Variants in PCDHA13 observed in about 807,000 individuals in gnomAD.
PCDHA13 encodes the protein protocadherin alpha-13.
In PCDHA13, 54 loss-of-function variants were observed where a neutral mutation model predicts 64.8. The ratio of observed to expected loss-of-function variants is 0.83; its 90% CI spans 0.67 to 1.04. PCDHA13 has a LOEUF of 1.04. Ranked by LOEUF, PCDHA13 falls within the 50% of genes least tolerant of loss-of-function variation. PCDHA13 has a pLI of 0.00. For missense variants in PCDHA13, 1,248 were observed against 1,254.3 expected (o/e 0.99, Z 0.08); for synonymous variants, 587 against 564.4 (o/e 1.04, Z -0.57).
chr5:141,007,915 A>G (rs561873534), intron 3 of PCDHA13, among the ~76,000 whole-genome samples: 5 of 152,308 alleles, frequency 3.3e-5, no homozygotes, highest in South Asian at 2.1e-4. Flanking sequence ...TGAAGATGCT[A>G]TATAAGCTGG....
At chr5:140,912,209 G>T (rs1027468350) in intron 1 of PCDHA13, among the ~76,000 whole-genome samples, 8 of 152,158 alleles carry the variant, frequency 5.3e-5, no homozygotes, top group Non-Finnish European at 7.3e-5. Context: ...ATTGAGGGTA[G>T]ATCTGCCTTT....
At position 140,882,852 on chromosome 5, in the gene PCDHA13, T is replaced by C; in HGVS notation, c.584T>C (p.Val195Ala). 1.2e-6 allele frequency: 2 copies of C among 1,614,216 alleles called. No homozygotes were observed. Among genetic ancestry groups the C allele is most frequent in the Non-Finnish European group, 1.7e-6 (2 of 1,180,040 alleles). The change falls in exon 1 of 4, where the codon GTA becomes GCA. Residue 195 changes from valine to alanine, a missense_variant. Coordinates refer to ENST00000289272, the MANE Select transcript of PCDHA13 (RefSeq NM_018904.3). ...SLEQMSSLSLVLRKTLDREEI... is the reference protein window; with the variant it reads ...SLEQMSSLSLALRKTLDREEI... The stretch of plus-strand genomic sequence containing the variant: ...GAGCAAATGTCTTCATTATCACTTG[T>C]ACTGAGGAAAACACTGGACAGAGAG...
At chr5:140,934,957 G>A (rs2090122349) in intron 1 of PCDHA13, among the ~76,000 whole-genome samples, 1 of 152,250 alleles carries the variant, frequency 6.6e-6, no homozygotes, top group Non-Finnish European at 1.5e-5. Context: ...GATCCCATGT[G>A]CTTGTCACCC....
Position 140,882,201 on chromosome 5 carries a change from CT to C in PCDHA13, c.-66del. The C allele has an allele frequency of 6.5e-7, 1 of 1,528,460 alleles. No homozygotes were observed. Among genetic ancestry groups the C allele is most frequent in the South Asian group, 1.3e-5 (1 of 76,498 alleles). The allele number at this position is 1,528,460 out of a possible 1,614,324, so 94.7% of individuals were successfully genotyped here. On this transcript the variant is annotated 5_prime_UTR_variant, in exon 1 of 4. Transcript: ENST00000289272. ...CACTAGGAAGCCATAAAAATTGGGC[CT>C]TGAGAGACAGTTTGAGGTAAGGCGT...
At position 140,883,089 on chromosome 5, in the gene PCDHA13, A is replaced by G. The variant is rs1403331305; in HGVS notation, c.821A>G (p.Asn274Ser). 17 of 1,614,038 alleles carry G rather than the reference A, an allele frequency of 1.1e-5. No individual in the cohort carries two copies. Among genetic ancestry groups the G allele is most frequent in the Non-Finnish European group, 1.4e-5 (17 of 1,180,046 alleles). The stretch of plus-strand genomic sequence containing the variant: ...GCCACAGATCCTGATGATGGTACAA[A>G]TGGAGATATAGTTTACTCATTTAGA... ...LNATDPDDGT[N>S]GDIVYSFRRP... The change falls in exon 1 of 4, where the codon AAT becomes AGT. Residue 274 changes from asparagine (N) to serine (S), a missense_variant. By Grantham distance (46) the Asn-to-Ser change is conservative (BLOSUM62 1). Transcript: ENST00000289272.
At chr5:140,908,804 T>C (rs1157142483) in intron 1 of PCDHA13, among the ~76,000 whole-genome samples, 2 of 152,162 alleles carry the variant, frequency 1.3e-5, no homozygotes, top group African/African-American at 4.8e-5. Context: ...CATTAAAAAG[T>C]GAGAGCCTTT....
chr5:140,981,687 A>T (rs1283182396), intron 2 of PCDHA13, among the ~76,000 whole-genome samples: 1 of 151,972 alleles, frequency 6.6e-6, no homozygotes, highest in Non-Finnish European at 1.5e-5. Flanking sequence ...CCTCCCTTCC[A>T]TCATTCATTC....
intron 1 of PCDHA13, among the ~76,000 whole-genome samples, chr5:140,936,457 TG>T (rs782214118): frequency 2.2e-4 from 34 of 152,232 alleles, no homozygotes; most frequent in Non-Finnish European, 4.6e-4. Flanking sequence ...ATCTGTTTAG[TG>T]GTTGCTGTAG....
rs1035461317 is a variant in PCDHA13 at position 140,883,093 on chromosome 5, A to T, written c.825A>T (p.Gly275=). 1 of 1,614,146 alleles carries T rather than the reference A, an allele frequency of 6.2e-7. No individual in the cohort carries two copies. The highest frequency in any genetic ancestry group is 8.5e-7 in the Non-Finnish European group (1 of 1,180,026). Reference sequence around the variant, plus strand: ...CAGATCCTGATGATGGTACAAATGGAGATATAGTTTACTCATTTAGAAGGC... The same window carrying T: ...CAGATCCTGATGATGGTACAAATGGTGATATAGTTTACTCATTTAGAAGGC... ...NATDPDDGTN[G]DIVYSFRRPV... The change falls in exon 1 of 4, where the codon GGA becomes GGT. Residue 275 remains glycine, a synonymous_variant. Coordinates refer to ENST00000289272, the MANE Select transcript of PCDHA13 (RefSeq NM_018904.3).
chr5:140,963,861 G>A (rs2095794580), intron 1 of PCDHA13, among the ~76,000 whole-genome samples: 1 of 152,172 alleles, frequency 6.6e-6, no homozygotes, highest in Admixed American at 6.5e-5. Flanking sequence ...ATAACCGTAT[G>A]AGTTTTGCTT....
In PCDHA13 at chr5:140,967,658, A is replaced by C. The variant is rs1554229743; in HGVS notation, c.2395-11291A>C. ...TGGTGAGCTCAGGTACTCCTTGAGC[A>C]GCTACACGTCGGACCGGGAGAGGCA... On this transcript the variant is annotated intron_variant, in intron 1 of 3. Coordinates refer to ENST00000289272, the MANE Select transcript of PCDHA13 (RefSeq NM_018904.3). 3 of 1,614,058 alleles carry C rather than the reference A, an allele frequency of 1.9e-6. No individual in the cohort carries two copies. The highest frequency in any genetic ancestry group is 1.7e-5 in the Admixed American group (1 of 60,008).
rs1554262683 is a variant in PCDHA13 at position 141,010,108 on chromosome 5, G to A, written c.*171G>A. 23 of 1,611,296 alleles carry A rather than the reference G, an allele frequency of 1.4e-5. No homozygotes were observed. Among genetic ancestry groups the A allele is most frequent in the East Asian group, 4.5e-5 (2 of 44,852 alleles). On this transcript the variant is annotated 3_prime_UTR_variant, in exon 4 of 4. Transcript: ENST00000289272. ...TAGAACGCATTTAACAGGTTTTGTC[G>A]TAAAAGCTTTACTAAGTCTGGTGTT...
chr5:141,008,147 G>A (rs782783615), intron 3 of PCDHA13, among the ~76,000 whole-genome samples: 9 of 152,114 alleles, frequency 5.9e-5, no homozygotes, highest in Non-Finnish European at 1.3e-4. Context: ...CTGCTGAGAG[G>A]TTTGATAAGA....
chr5:140,901,168 C>G (rs782138220), intron 1 of PCDHA13, among the ~76,000 whole-genome samples: 8 of 152,010 alleles, frequency 5.3e-5, no homozygotes, highest in Non-Finnish European at 8.8e-5. Flanking sequence ...GTTGTCTCTT[C>G]ACTTTGTTGA....
intron 1 of PCDHA13, among the ~76,000 whole-genome samples, chr5:140,972,657 CA>C (rs1342092810): frequency 2.8e-5 from 4 of 143,798 alleles, no homozygotes; most frequent in South Asian, 4.5e-4. Context: ...AAAAAGAAAC[CA>C]AATTTTTTTT....
intron 3 of PCDHA13, among the ~76,000 whole-genome samples, chr5:140,996,177 C>T (rs1214472705): frequency 6.6e-6 from 1 of 152,226 alleles, no homozygotes; most frequent in Non-Finnish European, 1.5e-5. Flanking sequence ...GCTGACAGCA[C>T]CTCCATTTTA....
intron 1 of PCDHA13, among the ~76,000 whole-genome samples, chr5:140,922,557 CA>C (rs1214132732): frequency 3.2e-4 from 49 of 152,258 alleles, no homozygotes; most frequent in African/African-American, 1.1e-3. Context: ...GGAGAAAAGT[CA>C]GGATGACAAG....
chr5:140,985,226 C>T (rs1319001576), intron 3 of PCDHA13, among the ~76,000 whole-genome samples: 6 of 152,126 alleles, frequency 3.9e-5, no homozygotes, highest in Admixed American at 6.5e-5. Flanking sequence ...CGTGAGCCAC[C>T]GCGCCTGGCC....
chr5:140,927,848 G>A (rs1295513512), intron 1 of PCDHA13: 3 of 1,614,062 alleles, frequency 1.9e-6, no homozygotes, highest in Non-Finnish European at 2.5e-6. Context: ...GGTGTCTTTG[G>A]TTTAGCTAGC....
Sources: gnomAD v4.1 joint callset for allele counts (sites outside exome capture counted in the v4.1 genomes callset) on GRCh38, gnomAD v4.1.1 for gene constraint, MANE v1.5 for transcripts, NCBI Gene and HGNC (gene_info 2026-07-23, HGNC 2026-07-21) for gene names.